SYNPO2: variants seen among roughly 807,000 people sequenced by gnomAD.
SYNPO2 encodes synaptopodin-2.
A neutral mutation model predicts 85.0 loss-of-function variants in SYNPO2; 56 were observed. The ratio of observed to expected loss-of-function variants is 0.66; its 90% CI spans 0.53 to 0.82. The LOEUF (loss-of-function observed/expected upper bound fraction) is 0.82, where lower values mean the gene tolerates loss of function less well. Ranked by LOEUF, SYNPO2 falls within the 40% of genes least tolerant of loss-of-function variation. The probability of loss-of-function intolerance (pLI) is 0.00; values close to 1 mark genes in which losing one functional copy is unlikely to be tolerated. For synonymous variants in SYNPO2, 602 were observed against 591.1 expected, an observed-to-expected ratio of 1.02 and a Z score of -0.27; for missense variants, 1,575 against 1,534.2, an observed-to-expected ratio of 1.03 and a Z score of -0.44.
chr4:119,037,706 T>A, intron 4 of SYNPO2: 1 of 960,186 alleles, frequency 1.0e-6, no homozygotes, highest in Non-Finnish European at 1.2e-6. Flanking sequence ...TTACATAAGT[T>A]TTGATAATAG....
At chr4:118,984,229 TA>T (rs1736135673) in intron 1 of SYNPO2, among the ~76,000 whole-genome samples, 4 of 151,496 alleles carry the variant, frequency 2.6e-5, no homozygotes, top group Admixed American at 2.0e-4. Flanking sequence ...GCTTCCAAAA[TA>T]GGTGACTGGG....
At chr4:119,004,365 A>C (rs1418437185) in intron 1 of SYNPO2, among the ~76,000 whole-genome samples, 1 of 150,382 alleles carries the variant, frequency 6.6e-6, no homozygotes, top group African/African-American at 2.4e-5. Flanking sequence ...TCCTAATGCT[A>C]TCCCTACCCC....
Position 118,940,042 on chromosome 4 carries a change from G to A in SYNPO2, c.105+50901G>A, listed in dbSNP as rs376307771. 2.7e-3 allele frequency among the ~76,000 whole-genome samples: 385 copies of A among 143,618 alleles called. 1 individual carries two copies. Among genetic ancestry groups the A allele is most frequent in the African/African-American group, 9.4e-3 (367 of 38,978 alleles). 94.2% of individuals were successfully genotyped at this position (143,618 alleles called of 152,430 possible). On this transcript the variant is annotated intron_variant, in intron 1 of 4. Transcript: ENST00000307142. ...TGCTCTGTCCCCGGGCTGGAGTGCA[G>A]TGATGCAATCTTGGCTCACTGCAAC...
At chr4:118,953,009 A>G (rs1015009950) in intron 1 of SYNPO2, among the ~76,000 whole-genome samples, 1 of 152,152 alleles carries the variant, frequency 6.6e-6, no homozygotes, top group Non-Finnish European at 1.5e-5. Context: ...TCCTTTAAAT[A>G]TGTCTTTCTG....
chr4:119,043,394 T>C (rs756864108), intron 4 of SYNPO2: 9 of 152,178 alleles, frequency 5.9e-5, no homozygotes, highest in Non-Finnish European at 1.2e-4. Flanking sequence ...AATATTTTTG[T>C]AAATTCATCA....
At chr4:118,853,185 C>G (rs1731448920) in intron 1 of SYNPO2, among the ~76,000 whole-genome samples, 1 of 152,160 alleles carries the variant, frequency 6.6e-6, no homozygotes, top group Admixed American at 6.5e-5. Flanking sequence ...GACTTCATTC[C>G]TATTTGTATT....
chr4:119,004,291 A>T (rs988337108), intron 1 of SYNPO2, among the ~76,000 whole-genome samples: 3 of 151,918 alleles, frequency 2.0e-5, no homozygotes, highest in Non-Finnish European at 4.4e-5. Flanking sequence ...TTTGTTACAT[A>T]TGTATACATG....
chr4:118,938,404 GT>G (rs1380148113), intron 1 of SYNPO2, among the ~76,000 whole-genome samples: 1 of 152,036 alleles, frequency 6.6e-6, no homozygotes, highest in East Asian at 1.9e-4. Flanking sequence ...TTGTTGTTGG[GT>G]TTTTCCCAAA....
intron 1 of SYNPO2, among the ~76,000 whole-genome samples, chr4:118,999,867 C>G (rs1736761470): frequency 6.6e-6 from 1 of 152,098 alleles, no homozygotes; most frequent in Non-Finnish European, 1.5e-5. Flanking sequence ...TTGCCTGGTA[C>G]TTTTTAAAGG....
intron 1 of SYNPO2, among the ~76,000 whole-genome samples, chr4:118,919,497 A>C (rs1183336064): frequency 6.6e-6 from 1 of 152,166 alleles, no homozygotes; most frequent in Non-Finnish European, 1.5e-5. Flanking sequence ...CATAAATCAA[A>C]CTGGGCTCTA....
chr4:119,017,374 T>C (rs908069821), intron 1 of SYNPO2, among the ~76,000 whole-genome samples: 14 of 152,106 alleles, frequency 9.2e-5, no homozygotes, highest in Admixed American at 7.9e-4. Context: ...AGTTGAAGAA[T>C]ACAGACCTAC....
intron 1 of SYNPO2, among the ~76,000 whole-genome samples, chr4:118,895,399 C>T (rs1013745667): frequency 4.6e-5 from 7 of 152,182 alleles, no homozygotes; most frequent in Admixed American, 1.3e-4. Flanking sequence ...TGGCGTTTCT[C>T]TCTTCTTTGG....
intron 1 of SYNPO2, among the ~76,000 whole-genome samples, chr4:118,989,648 T>G (rs146918806): frequency 1.8e-4 from 27 of 152,374 alleles, no homozygotes; most frequent in African/African-American, 6.5e-4. Context: ...CATATAGTCA[T>G]GCTTCCATGG....
chr4:118,859,290 G>A (rs1357312114), intron 1 of SYNPO2, among the ~76,000 whole-genome samples: 1 of 151,638 alleles, frequency 6.6e-6, no homozygotes, highest in Non-Finnish European at 1.5e-5. Flanking sequence ...ATTTTTGTGG[G>A]TACATAATAG....
At chr4:119,007,036 A>G (rs114367459) in intron 1 of SYNPO2, among the ~76,000 whole-genome samples, 2,755 of 150,674 alleles carry the variant, frequency 0.018, 78 homozygotes, top group African/African-American at 0.064. Context: ...ACATTAGGCA[A>G]TGTACTTGGC....
chr4:118,873,223 G>A (rs1183554292), intron 1 of SYNPO2, among the ~76,000 whole-genome samples: 1 of 152,186 alleles, frequency 6.6e-6, no homozygotes, highest in Non-Finnish European at 1.5e-5. Flanking sequence ...TAGTGAGACT[G>A]CTGGATCAAA....
At chr4:119,006,779 G>A (rs953343191) in intron 1 of SYNPO2, among the ~76,000 whole-genome samples, 1 of 152,078 alleles carries the variant, frequency 6.6e-6, no homozygotes, top group Admixed American at 6.5e-5. Context: ...CTTAGCTGTT[G>A]AGAGCAAGGA....
rs70944828 is a variant in SYNPO2 at position 119,058,464 on chromosome 4, CTTTTTTTT to C, written c.*549_*556del. The C allele has an allele frequency of 0.12, 13,571 of 109,120 alleles. 742 individuals carry two copies. Among genetic ancestry groups the C allele is most frequent in the Non-Finnish European group, 0.16 (8,935 of 56,540 alleles). 6.8% of individuals were successfully genotyped at this position (109,120 alleles called of 1,614,324 possible). ...CTTGGTGTTAAGTATTTCTCTGCAA[CTTTTTTTT>C]TTTTTTTTTTTTTTTTTTGAGATGG... On this transcript the variant is annotated 3_prime_UTR_variant, in exon 5 of 5. Coordinates refer to ENST00000307142, the MANE Select transcript of SYNPO2 (RefSeq NM_133477.3).
At chr4:118,955,669 G>A (rs1021223010) in intron 1 of SYNPO2, among the ~76,000 whole-genome samples, 1 of 152,198 alleles carries the variant, frequency 6.6e-6, no homozygotes, top group Non-Finnish European at 1.5e-5. Context: ...TGTGCCCAGA[G>A]CAACAGTCTC....
Sources: gnomAD v4.1 joint callset for allele counts (sites outside exome capture counted in the v4.1 genomes callset) on GRCh38, gnomAD v4.1.1 for gene constraint, MANE v1.5 for transcripts, NCBI Gene and HGNC (gene_info 2026-07-23, HGNC 2026-07-21) for gene names.